NOTCH2: variants seen among roughly 807,000 people sequenced by gnomAD.
NOTCH2 encodes notch receptor 2.
NOTCH2 carries 29 observed loss-of-function variants against 235.8 expected under a neutral mutation model. The ratio of observed to expected loss-of-function variants is 0.12; its 90% CI spans 0.09 to 0.17. NOTCH2 has a LOEUF of 0.17. Among genes scored for constraint, NOTCH2 ranks in the 10% least tolerant of loss-of-function variants. The pLI, the probability that NOTCH2 is intolerant of heterozygous loss-of-function variation, is 1.00. For synonymous variants in NOTCH2, 1,086 were observed against 1,141.5 expected (o/e 0.95, Z 0.98); for missense variants, 2,285 against 3,150.2 (o/e 0.73, Z 6.57).
At chr1:120,033,574 T>G (rs1654183669) in intron 1 of NOTCH2, among the ~76,000 whole-genome samples, 1 of 151,126 alleles carries the variant, frequency 6.6e-6, no homozygotes, top group Non-Finnish European at 1.5e-5. Context: ...ATACAGCATG[T>G]TCTCACTTAT....
chr1:119,912,734 C>A lies in NOTCH2; in HGVS notation c.*2572G>T. The A allele has an allele frequency of 4.3e-6, 1 of 233,506 alleles. No homozygotes were observed. Among genetic ancestry groups the A allele is most frequent in the Non-Finnish European group, 8.5e-6 (1 of 118,004 alleles). The allele number at this position is 233,506 out of a possible 1,614,324, so 14.5% of individuals were successfully genotyped here. A position where few individuals can be genotyped will look rare whatever the true frequency, so the allele number is the denominator to read the frequency against. On this transcript the variant is annotated 3_prime_UTR_variant, in exon 34 of 34. Coordinates refer to ENST00000256646, the MANE Select transcript of NOTCH2 (RefSeq NM_024408.4). ...TAAAAACTGAGTCTCCAATTCAGAA[C>A]CCAAATGAGAAAGTGATTATCCATC...
chr1:120,043,625 C>T (rs181588770), intron 1 of NOTCH2, among the ~76,000 whole-genome samples: 7,221 of 151,474 alleles, frequency 0.048, 190 homozygotes, highest in South Asian at 0.11. Flanking sequence ...AACATTTACA[C>T]GAAAGATCAG....
chr1:119,999,319 T>C (rs1230453706), intron 3 of NOTCH2, among the ~76,000 whole-genome samples: 7 of 147,588 alleles, frequency 4.7e-5, no homozygotes, highest in African/African-American at 1.5e-4. Flanking sequence ...AGAGTTTTTC[T>C]ATAAGGGAAA....
intron 2 of NOTCH2, among the ~76,000 whole-genome samples, chr1:120,011,748 G>A (rs77962823): frequency 0.02 from 3,084 of 152,192 alleles, 46 homozygotes; most frequent in Middle Eastern, 0.037. Flanking sequence ...CGGGCGCGGT[G>A]GCTCACACCT....
intron 17 of NOTCH2, among the ~76,000 whole-genome samples, chr1:119,947,168 A>G (rs1553197132): frequency 6.6e-6 from 1 of 152,208 alleles, no homozygotes; most frequent in Admixed American, 6.5e-5. Flanking sequence ...ACTATAAAGG[A>G]AAAACATGCA....
chr1:120,014,352 C>T (rs1553207528), intron 2 of NOTCH2, among the ~76,000 whole-genome samples: 1 of 152,224 alleles, frequency 6.6e-6, no homozygotes, highest in African/African-American at 2.4e-5. Context: ...ATTGCTAGAG[C>T]AGAAGTTCGA....
intron 1 of NOTCH2, among the ~76,000 whole-genome samples, chr1:120,067,614 CCAAAA>C (rs1186679726): frequency 1.3e-5 from 2 of 152,128 alleles, no homozygotes; most frequent in African/African-American, 4.8e-5. Context: ...AAGTTATTTA[CCAAAA>C]CAAGTTAATG....
chr1:119,952,391 A>G (rs1650512966), intron 14 of NOTCH2, among the ~76,000 whole-genome samples: 1 of 152,202 alleles, frequency 6.6e-6, no homozygotes, highest in Non-Finnish European at 1.5e-5. Context: ...ACACTGTAAT[A>G]TACAATGAAG....
At chr1:119,989,803 A>T (rs1235921038) in intron 4 of NOTCH2, among the ~76,000 whole-genome samples, 3 of 152,140 alleles carry the variant, frequency 2.0e-5, no homozygotes, top group African/African-American at 7.2e-5. Context: ...CGAATATAAT[A>T]AAAAAGACAG....
At chr1:119,952,531 C>A (rs150596144) in intron 14 of NOTCH2, among the ~76,000 whole-genome samples, 2 of 152,142 alleles carry the variant, frequency 1.3e-5, no homozygotes, top group African/African-American at 4.8e-5. Flanking sequence ...TTATAAGGAG[C>A]GCACAATCTA....
intron 11 of NOTCH2, among the ~76,000 whole-genome samples, chr1:119,962,685 G>A (rs192537231): frequency 3.3e-5 from 5 of 152,306 alleles, no homozygotes; most frequent in Admixed American, 2.6e-4. Flanking sequence ...CTTACATCCA[G>A]AATGAGTTCT....
intron 17 of NOTCH2, among the ~76,000 whole-genome samples, chr1:119,948,153 A>T (rs1553197275): frequency 6.6e-6 from 1 of 152,228 alleles, no homozygotes; most frequent in African/African-American, 2.4e-5. Flanking sequence ...TCTGTTTTTT[A>T]AAAAACACTA....
chr1:120,065,303 A>G (rs1655464150), intron 1 of NOTCH2, among the ~76,000 whole-genome samples: 2 of 152,222 alleles, frequency 1.3e-5, no homozygotes, highest in Admixed American at 1.3e-4. Context: ...TGTTCGACTG[A>G]ACAAGTATTT....
rs771735891 is a variant in NOTCH2, at chr1:119,915,572, G to A, written c.7150C>T (p.Pro2384Ser). The A allele has an allele frequency of 5.0e-6, 8 of 1,613,926 alleles. No individual in the cohort carries two copies. Among genetic ancestry groups the A allele is most frequent in the Non-Finnish European group, 6.8e-6 (8 of 1,180,042 alleles). ...TAACTGTGCTGTGAAGGGGGTGTGG[G>A]GTACTTGCCCACAGAGGCTGGGAAA... ...HPFPASVGKY[P>S]TPPSQHSYAS... The change falls in exon 34 of 34, where the codon CCC (proline) becomes TCC (serine). Residue 2384 changes from proline to serine, a missense_variant. Around this residue, in one of 6 missense-constraint regions of NOTCH2, gnomAD observed 504 missense variants for 538.0 expected, o/e 0.94. Coordinates refer to ENST00000256646, the MANE Select transcript of NOTCH2 (RefSeq NM_024408.4).
At chr1:119,928,703 C>T (rs1649554283) in intron 23 of NOTCH2, among the ~76,000 whole-genome samples, 1 of 152,116 alleles carries the variant, frequency 6.6e-6, no homozygotes, top group Non-Finnish European at 1.5e-5. Flanking sequence ...TGTTCAACTA[C>T]TTTCAATATA....
chr1:119,933,006 A>C (rs1248414443), intron 22 of NOTCH2, among the ~76,000 whole-genome samples: 2 of 152,200 alleles, frequency 1.3e-5, no homozygotes, highest in Admixed American at 6.5e-5. Flanking sequence ...CACCTTATAC[A>C]TAGAGTAAAT....
At chr1:120,053,679 A>G (rs1395119556) in intron 1 of NOTCH2, among the ~76,000 whole-genome samples, 1 of 141,472 alleles carries the variant, frequency 7.1e-6, no homozygotes, top group Non-Finnish European at 1.5e-5. Flanking sequence ...GTTGGCCATG[A>G]AGCAGAGCCT....
intron 23 of NOTCH2, 89 bp from the exon 24 acceptor site, chr1:119,926,700 C>T: frequency 9.8e-7 from 1 of 1,021,686 alleles, no homozygotes; most frequent in Non-Finnish European, 1.5e-6. Flanking sequence ...GGGAACTAGC[C>T]ATAGGTGAAG....
chr1:119,922,797 G>C lies in NOTCH2; in HGVS notation c.4860-19C>G, dbSNP rs753864430. On this transcript the variant is annotated intron_variant, in intron 26 of 33. Transcript: ENST00000256646. ...TTTAGAGCTGTGGGATGCCAAGGGA[G>C]AAGCGGAGGAGGAGAGATGGGGGTA... 1 of 1,613,960 alleles carries C rather than the reference G, an allele frequency of 6.2e-7. No individual in the cohort carries two copies. Among genetic ancestry groups the C allele is most frequent in the South Asian group, 1.1e-5 (1 of 91,076 alleles).
Sources: allele counts gnomAD v4.1 joint callset (sites outside exome capture counted in the v4.1 genomes callset), GRCh38; gene constraint gnomAD v4.1.1; regional missense constraint gnomAD v4.1.1; transcripts MANE v1.5; gene names NCBI Gene and HGNC (gene_info 2026-07-23, HGNC 2026-07-21).